The following RBM47 variants were observed in gnomAD, a reference collection of about 807,000 sequenced individuals.
The protein encoded by RBM47 is RNA binding motif protein 47, also known as RNA-binding protein 47.
In RBM47, 21 loss-of-function variants were observed where a neutral mutation model predicts 47.1. That is an observed-to-expected ratio of 0.45 (90% CI 0.32 to 0.64). The LOEUF (loss-of-function observed/expected upper bound fraction) is 0.64, where lower values mean the gene tolerates loss of function less well. RBM47 is among the 30% of genes least tolerant of loss of function. The pLI is 0.05. For missense variants in RBM47, 708 were observed against 870.9 expected (o/e 0.81, Z 2.35); for synonymous variants, 375 against 361.7 (o/e 1.04, Z -0.42).
chr4:40,431,618 AC>A (rs971656676), intron 6 of RBM47, among the ~76,000 whole-genome samples: 4 of 150,924 alleles, frequency 2.7e-5, no homozygotes, highest in African/African-American at 9.8e-5. Flanking sequence ...AGATGGCGCC[AC>A]TGCGCTCCAG....
At chr4:40,539,057 T>C (rs565688826) in intron 2 of RBM47, among the ~76,000 whole-genome samples, 44 of 152,236 alleles carry the variant, frequency 2.9e-4, no homozygotes, top group Non-Finnish European at 4.3e-4. Context: ...ATGATGGTCC[T>C]ATGTAGATTT....
intron 2 of RBM47, among the ~76,000 whole-genome samples, chr4:40,468,662 T>C (rs1014722560): frequency 6.6e-6 from 1 of 152,196 alleles, no homozygotes; most frequent in Admixed American, 6.5e-5. Context: ...GTGAGATCCA[T>C]AACGTTATGG....
intron 2 of RBM47, among the ~76,000 whole-genome samples, chr4:40,503,024 T>G (rs184115854): frequency 2.0e-5 from 3 of 149,290 alleles, no homozygotes; most frequent in Non-Finnish European, 3.0e-5. Context: ...AAGAAAACAG[T>G]TGAATTTGTT....
intron 2 of RBM47, among the ~76,000 whole-genome samples, chr4:40,501,501 C>T (rs1026339619): frequency 6.6e-6 from 1 of 152,246 alleles, no homozygotes; most frequent in Non-Finnish European, 1.5e-5. Flanking sequence ...TGCGTCTGCA[C>T]CGTCTAATAC....
At position 40,605,016 on chromosome 4, in the gene RBM47, T is replaced by TTG. The variant is rs1553908237; in HGVS notation, c.-240+24379_-240+24380insCA. On this transcript the variant is annotated intron_variant, in intron 1 of 6. Transcript: ENST00000295971. ...AGACTTGAGCCACCGCACCTGGTCT[T>TTG]TTGTTGTTGTTGTTGTCGTGGTTGT... Among the ~76,000 whole-genome samples the TTG allele has an allele frequency of 2.0e-5, 3 of 149,976 alleles. No homozygotes were observed. The East Asian group carries it at 6.0e-4, about 30-fold the overall frequency.
At chr4:40,519,956 C>T (rs927317337) in intron 2 of RBM47, among the ~76,000 whole-genome samples, 1 of 152,136 alleles carries the variant, frequency 6.6e-6, no homozygotes, top group African/African-American at 2.4e-5. Context: ...GCATAAGCCA[C>T]CGTGCCCAGC....
chr4:40,583,750 C>T (rs1047623283), intron 1 of RBM47, among the ~76,000 whole-genome samples: 2 of 150,292 alleles, frequency 1.3e-5, no homozygotes, highest in African/African-American at 4.9e-5. Context: ...CCCAGCTACT[C>T]GAGAGGCTGA....
At chr4:40,614,398 G>A (rs1361699580) in intron 1 of RBM47, among the ~76,000 whole-genome samples, 1 of 152,152 alleles carries the variant, frequency 6.6e-6, no homozygotes, top group African/African-American at 2.4e-5. Flanking sequence ...TTAAAAGAAA[G>A]GAAAGTGAAA....
chr4:40,549,135 C>A (rs960008543), intron 1 of RBM47, among the ~76,000 whole-genome samples: 2 of 151,096 alleles, frequency 1.3e-5, no homozygotes, highest in Admixed American at 1.3e-4. Flanking sequence ...GAGCCTTGCT[C>A]TGTTGCCCAG....
chr4:40,481,445 G>GTATTATTATTAT (rs71647001), intron 2 of RBM47, among the ~76,000 whole-genome samples: 2 of 126,962 alleles, frequency 1.6e-5, no homozygotes, highest in Non-Finnish European at 3.3e-5. Context: ...GCTAATTTTT[G>GTATTATTATTAT]TATTATTATT....
chr4:40,509,100 T>C (rs978536804), intron 2 of RBM47, among the ~76,000 whole-genome samples: 3 of 151,848 alleles, frequency 2.0e-5, no homozygotes, highest in Non-Finnish European at 2.9e-5. Context: ...GCTGAGGTTG[T>C]AGTGAGCCGA....
At chr4:40,504,810 C>T (rs1723873007) in intron 2 of RBM47, among the ~76,000 whole-genome samples, 1 of 152,212 alleles carries the variant, frequency 6.6e-6, no homozygotes, top group African/African-American at 2.4e-5. Flanking sequence ...ACCTTCTATT[C>T]ACATTCCTTA....
At chr4:40,469,997 T>C (rs1286238416) in intron 2 of RBM47, among the ~76,000 whole-genome samples, 1 of 152,246 alleles carries the variant, frequency 6.6e-6, no homozygotes, top group Non-Finnish European at 1.5e-5. Context: ...ATGTTATGTT[T>C]GTCCTGTGGC....
intron 2 of RBM47, among the ~76,000 whole-genome samples, chr4:40,490,635 C>T (rs577815889): frequency 5.3e-5 from 8 of 151,664 alleles, no homozygotes; most frequent in South Asian, 2.1e-4. Flanking sequence ...ATTAGCCGGG[C>T]GTGGTGGCGC....
At chr4:40,434,549 A>T (rs538532065) in intron 5 of RBM47, among the ~76,000 whole-genome samples, 1 of 152,226 alleles carries the variant, frequency 6.6e-6, no homozygotes, top group African/African-American at 2.4e-5. Context: ...CTTCTCAACA[A>T]GTAGAAGCGA....
chr4:40,568,603 G>A (rs1260766415), intron 1 of RBM47, among the ~76,000 whole-genome samples: 3 of 151,746 alleles, frequency 2.0e-5, no homozygotes, highest in Non-Finnish European at 1.5e-5. Context: ...AAGTGGGAGA[G>A]GAACTAAACA....
At chr4:40,584,606 T>G (rs555237054) in intron 1 of RBM47, among the ~76,000 whole-genome samples, 2 of 152,190 alleles carry the variant, frequency 1.3e-5, no homozygotes, top group Non-Finnish European at 2.9e-5. Context: ...ATGCTAGATT[T>G]CAACAGAAAT....
At chr4:40,532,520 CCAG>C (rs1423813352) in intron 2 of RBM47, among the ~76,000 whole-genome samples, 1 of 151,414 alleles carries the variant, frequency 6.6e-6, no homozygotes, top group Non-Finnish European at 1.5e-5. Context: ...ACCATGTTGG[CCAG>C]GATGGTCTTG....
intron 2 of RBM47, among the ~76,000 whole-genome samples, chr4:40,491,000 C>G (rs144503042): frequency 1.3e-5 from 2 of 152,052 alleles, no homozygotes; most frequent in Non-Finnish European, 2.9e-5. Flanking sequence ...AAGGACTCAC[C>G]CTTCCAGGTT....
Sources: gnomAD v4.1 joint callset for allele counts (sites outside exome capture counted in the v4.1 genomes callset) on GRCh38, gnomAD v4.1.1 for gene constraint, MANE v1.5 for transcripts, NCBI Gene and HGNC (gene_info 2026-07-23, HGNC 2026-07-21) for gene names.